Variants in PMEPA1 observed in about 807,000 individuals in gnomAD.
PMEPA1 encodes protein TMEPAI.
PMEPA1 carries 11 observed loss-of-function variants against 23.0 expected under a neutral mutation model. The observed-to-expected ratio is 0.48, with a 90% CI of 0.30 to 0.79. PMEPA1 has a LOEUF of 0.79. PMEPA1 is among the 30% of genes least tolerant of loss of function. The pLI, the probability that PMEPA1 is intolerant of heterozygous loss-of-function variation, is 0.06. For synonymous variants in PMEPA1, 204 were observed against 166.4 expected, an observed-to-expected ratio of 1.23 and a Z score of -1.74; for missense variants, 377 against 390.9, an observed-to-expected ratio of 0.96 and a Z score of 0.30.
chr20:57,685,467 C>T (rs150066345), intron 1 of PMEPA1, among the ~76,000 whole-genome samples: 7 of 152,330 alleles, frequency 4.6e-5, no homozygotes, highest in South Asian at 4.1e-4. Flanking sequence ...CTTTTTACAG[C>T]GCACAGAGAC....
rs752968841 is a variant in PMEPA1, at chr20:57,651,835, G to GTT, written c.*216_*217dup. On this transcript the variant is annotated 3_prime_UTR_variant, in exon 4 of 4. Coordinates refer to ENST00000341744, the MANE Select transcript of PMEPA1 (RefSeq NM_020182.5). ...AGACACAGCTCAACAAAGAAACGTG[G>GTT]TTTTTTTTTTTCTTTTTTCTTTTTT... is the stretch of plus-strand genomic sequence containing the variant. 9,773 of 304,840 alleles carry GTT rather than the reference G, an allele frequency of 0.032. 306 individuals are homozygous for GTT. The highest frequency in any genetic ancestry group is 0.1 in the African/African-American group (4,384 of 42,808). 18.9% of individuals were successfully genotyped at this position (304,840 alleles called of 1,614,324 possible). A position where few individuals can be genotyped will look rare whatever the true frequency, so the allele number is the denominator to read the frequency against.
At chr20:57,698,273 T>C (rs1309327644) in intron 1 of PMEPA1, among the ~76,000 whole-genome samples, 3 of 152,218 alleles carry the variant, frequency 2.0e-5, no homozygotes, top group Admixed American at 2.0e-4. Flanking sequence ...TATTCACCCA[T>C]GTAATTGACA....
At position 57,680,107 on chromosome 20, in the gene PMEPA1, G is replaced by A. The variant is rs575359729; in HGVS notation, c.110-20410C>T. Among the ~76,000 whole-genome samples, 3 of 152,332 alleles carry A rather than the reference G, an allele frequency of 2.0e-5. No homozygotes were observed. The South Asian group carries it at 6.2e-4, about 32-fold the overall frequency. ...GCACTGCAAGCCCCAGGGAACCGTC[G>A]GGGGATGAGTGGATGGTAAAAACGA... On this transcript the variant is annotated intron_variant, in intron 1 of 3. Coordinates refer to ENST00000341744, the MANE Select transcript of PMEPA1 (RefSeq NM_020182.5).
chr20:57,685,728 T>C (rs957093108), intron 1 of PMEPA1, among the ~76,000 whole-genome samples: 6 of 152,126 alleles, frequency 3.9e-5, no homozygotes, highest in Non-Finnish European at 5.9e-5. Context: ...CTTCTTGTTC[T>C]GGGAAGGCGC....
chr20:57,652,583 G>T lies in PMEPA1; in HGVS notation c.334C>A (p.Pro112Thr). Residue 112 changes from proline (P) to threonine (T), a missense_variant, in exon 4 of 4, where the codon CCG (proline) becomes ACG (threonine). Pro to Thr is a conservative substitution (Grantham distance 38). Around this residue, in one of 3 missense-constraint regions of PMEPA1, gnomAD observed 198 missense variants for 196.3 expected, o/e 1.01. Coordinates refer to ENST00000341744, the MANE Select transcript of PMEPA1 (RefSeq NM_020182.5). The surrounding 1 kb of genome is among the most constrained non-coding windows in gnomAD (Gnocchi z 6.1). ...NGIPEPQVYAPPRPTDRLAVP... is the reference protein window; with the variant it reads ...NGIPEPQVYATPRPTDRLAVP... ...GCCAGGCGGTCGGTGGGCCGAGGCGGGGCGTAGACCTGCGGCTGGAGGAAG... is the reference window on the plus strand; with the variant it reads ...GCCAGGCGGTCGGTGGGCCGAGGCGTGGCGTAGACCTGCGGCTGGAGGAAG... 1 of 1,498,664 alleles carries T rather than the reference G, an allele frequency of 6.7e-7. No individual in the cohort carries two copies. Among genetic ancestry groups the T allele is most frequent in the East Asian group, 2.3e-5 (1 of 42,556 alleles). The allele number at this position is 1,498,664 out of a possible 1,614,324, so 92.8% of individuals were successfully genotyped here.
intron 2 of PMEPA1, among the ~76,000 whole-genome samples, chr20:57,654,456 C>A (rs1426658857): frequency 6.6e-6 from 1 of 152,040 alleles, no homozygotes; most frequent in Non-Finnish European, 1.5e-5. Context: ...CATATGGCCA[C>A]TAGGAGGCTC....
chr20:57,680,362 G>A (rs545933516), intron 1 of PMEPA1, among the ~76,000 whole-genome samples: 17 of 152,308 alleles, frequency 1.1e-4, no homozygotes, highest in African/African-American at 3.6e-4. Flanking sequence ...TTTGCCCCAG[G>A]GGACATCTGG....
intron 1 of PMEPA1, among the ~76,000 whole-genome samples, chr20:57,701,379 A>G (rs185518418): frequency 6.6e-6 from 1 of 152,106 alleles, no homozygotes; most frequent in African/African-American, 2.4e-5. Flanking sequence ...TGCCAAGAAG[A>G]ATCACCCTAG....
chr20:57,710,383 C>A, upstream of PMEPA1: 1 of 1,489,832 alleles, frequency 6.7e-7, no homozygotes. Flanking sequence ...AGCCTATCTT[C>A]TGAGGAGCAC....
At chr20:57,689,634 A>G (rs1285684086) in intron 1 of PMEPA1, among the ~76,000 whole-genome samples, 1 of 152,216 alleles carries the variant, frequency 6.6e-6, no homozygotes, top group Non-Finnish European at 1.5e-5. Flanking sequence ...CTGTGCCCAC[A>G]TAAATAGCTG....
chr20:57,695,184 T>A (rs157107), intron 1 of PMEPA1, among the ~76,000 whole-genome samples: 197 of 152,342 alleles, frequency 1.3e-3, no homozygotes, highest in Non-Finnish European at 2.0e-3. Context: ...GTCACCCACA[T>A]CCTCATTCCC....
At chr20:57,698,062 T>C (rs970411812) in intron 1 of PMEPA1, among the ~76,000 whole-genome samples, 1 of 152,198 alleles carries the variant, frequency 6.6e-6, no homozygotes, top group Non-Finnish European at 1.5e-5. Context: ...TCTCTGCATC[T>C]GTGGCTTATG....
intron 1 of PMEPA1, among the ~76,000 whole-genome samples, chr20:57,666,944 G>A (rs1008081823): frequency 1.3e-5 from 2 of 152,238 alleles, no homozygotes; most frequent in South Asian, 2.1e-4. Flanking sequence ...TCCAAACTCC[G>A]AAGCAGATTT....
intron 1 of PMEPA1, among the ~76,000 whole-genome samples, chr20:57,673,496 C>G (rs901586396): frequency 6.6e-6 from 1 of 152,208 alleles, no homozygotes; most frequent in African/African-American, 2.4e-5. Flanking sequence ...GCAGCCTCCT[C>G]AAAGCCGGCA....
chr20:57,658,392 A>G (rs891271868), intron 2 of PMEPA1, among the ~76,000 whole-genome samples: 1 of 152,028 alleles, frequency 6.6e-6, no homozygotes, highest in Non-Finnish European at 1.5e-5. Flanking sequence ...GGCTTCCTTC[A>G]TCCGTGCACC....
chr20:57,688,268 G>T (rs1020793611), intron 1 of PMEPA1, among the ~76,000 whole-genome samples: 1 of 152,152 alleles, frequency 6.6e-6, no homozygotes, highest in Non-Finnish European at 1.5e-5. Flanking sequence ...GTTGGAGAGG[G>T]GGGTGTCTGG....
chr20:57,701,912 G>A (rs761902027), intron 1 of PMEPA1, among the ~76,000 whole-genome samples: 3 of 152,156 alleles, frequency 2.0e-5, no homozygotes, highest in East Asian at 3.9e-4. Context: ...GGTGCCTGGA[G>A]GGAAAGCAGA....
intron 1 of PMEPA1, among the ~76,000 whole-genome samples, chr20:57,703,455 G>A (rs940310790): frequency 7.5e-4 from 114 of 152,338 alleles, no homozygotes; most frequent in African/African-American, 2.6e-3. Flanking sequence ...CACGGCCCCA[G>A]TTTTGTGCCT....
At position 57,657,587 on chromosome 20, in the gene PMEPA1, C is replaced by A. The variant is rs1403170509; in HGVS notation, c.264+1956G>T. Among the ~76,000 whole-genome samples the A allele has an allele frequency of 1.4e-4, 22 of 152,338 alleles. No individual in the cohort carries two copies. The East Asian group carries it at 4.1e-3, about 28-fold the overall frequency. On this transcript the variant is annotated intron_variant, in intron 2 of 3. Coordinates refer to ENST00000341744, the MANE Select transcript of PMEPA1 (RefSeq NM_020182.5). ...TGCAGCACGCCCTCCGGACAGCGTG[C>A]TGGGACGCACAGTGGGCCCCGGGTC...
Sources: gnomAD v4.1 joint callset for allele counts (sites outside exome capture counted in the v4.1 genomes callset) on GRCh38, gnomAD v4.1.1 for gene constraint, gnomAD v4.1.1 regional missense constraint, Gnocchi (gnomAD v3.1) non-coding constraint, MANE v1.5 for transcripts, NCBI Gene and HGNC (gene_info 2026-07-23, HGNC 2026-07-21) for gene names.